SLC38A6: variants seen among roughly 807,000 people sequenced by gnomAD.
The protein encoded by SLC38A6 is solute carrier family 38 member 6.
In SLC38A6, 73 loss-of-function variants were observed where a neutral mutation model predicts 65.0. The observed-to-expected ratio is 1.12, with a 90% CI of 0.93 to 1.37. The LOEUF (loss-of-function observed/expected upper bound fraction) is 1.37, where lower values mean the gene tolerates loss of function less well. Among genes scored for constraint, SLC38A6 ranks in the 40% most tolerant of loss-of-function variants. The pLI, the probability that SLC38A6 is intolerant of heterozygous loss-of-function variation, is 0.00. For missense variants in SLC38A6, 561 were observed against 531.1 expected, an observed-to-expected ratio of 1.06 and a Z score of -0.55; for synonymous variants, 183 against 178.8, an observed-to-expected ratio of 1.02 and a Z score of -0.19.
chr14:60,981,556 T>C (rs1236773162), intron 1 of SLC38A6, 174 bp downstream of exon 1: 6 of 1,529,514 alleles, frequency 3.9e-6, no homozygotes, highest in Non-Finnish European at 5.2e-6. Context: ...ATTGGCGCAG[T>C]TATGAACGTG....
At position 60,982,404 on chromosome 14, in the gene SLC38A6, TG is replaced by T. The variant is rs796517875; in HGVS notation, c.106-102del. On this transcript the variant is annotated intron_variant, in intron 1 of 15. Transcript: ENST00000267488. The stretch of plus-strand genomic sequence containing the variant: ...AACGAGTGTGTCATACAAACCCTGG[TG>T]GTTTGCAGCTTTTTTCCATAATCTT... 7.1e-5 allele frequency: 102 copies of T among 1,446,396 alleles called. No individual in the cohort carries two copies. The African/African-American group carries it at 1.3e-3, about 18-fold the overall frequency. 89.6% of individuals were successfully genotyped at this position (1,446,396 alleles called of 1,614,324 possible). A position where few individuals can be genotyped will look rare whatever the true frequency, so the allele number is the denominator to read the frequency against.
At chr14:61,010,847 G>C (rs1470996477) in intron 3 of SLC38A6, among the ~76,000 whole-genome samples, 3 of 152,146 alleles carry the variant, frequency 2.0e-5, no homozygotes, top group Admixed American at 6.6e-5. Flanking sequence ...TTTGGCTTAG[G>C]ATTGATTTGG....
intron 15 of SLC38A6, among the ~76,000 whole-genome samples, chr14:61,061,145 C>T (rs1166685098): frequency 6.6e-6 from 1 of 152,132 alleles, no homozygotes; most frequent in Non-Finnish European, 1.5e-5. Flanking sequence ...TTGGCTCCTC[C>T]CCCAAGTGTT....
intron 6 of SLC38A6, 45 bp downstream of exon 6, chr14:61,030,568 G>A (rs548837417): frequency 5.5e-6 from 7 of 1,262,730 alleles, no homozygotes; most frequent in East Asian, 2.4e-5. Flanking sequence ...GTATTAATTT[G>A]ATAAATATGT....
chr14:61,049,150 C>T (rs1267891031), intron 12 of SLC38A6, among the ~76,000 whole-genome samples: 2 of 152,124 alleles, frequency 1.3e-5, no homozygotes, highest in African/African-American at 4.8e-5. Flanking sequence ...CCAATCCGTA[C>T]TCCTGCTTTA....
intron 5 of SLC38A6, among the ~76,000 whole-genome samples, chr14:61,026,029 A>T (rs1340980877): frequency 6.6e-6 from 1 of 152,164 alleles, no homozygotes; most frequent in Non-Finnish European, 1.5e-5. Context: ...ATTCTGTTTT[A>T]AAAATAGCTG....
intron 4 of SLC38A6, among the ~76,000 whole-genome samples, chr14:61,018,768 T>C (rs2040173325): frequency 6.6e-6 from 1 of 152,214 alleles, no homozygotes; most frequent in Admixed American, 6.5e-5. Context: ...TTTATATGGC[T>C]CAAATATTTT....
At chr14:61,029,829 T>C (rs2040840861) in intron 5 of SLC38A6, among the ~76,000 whole-genome samples, 1 of 152,230 alleles carries the variant, frequency 6.6e-6, no homozygotes, top group Non-Finnish European at 1.5e-5. Flanking sequence ...TAATGGTTTA[T>C]ATTGAACTTT....
chr14:61,018,305 G>C (rs1315529497), intron 4 of SLC38A6, among the ~76,000 whole-genome samples: 3 of 152,030 alleles, frequency 2.0e-5, no homozygotes, highest in Non-Finnish European at 4.4e-5. Context: ...AAATAACTTC[G>C]ACATTTTGGA....
intron 12 of SLC38A6, among the ~76,000 whole-genome samples, chr14:61,049,679 T>C (rs889054639): frequency 3.3e-5 from 5 of 152,218 alleles, no homozygotes; most frequent in African/African-American, 1.2e-4. Flanking sequence ...AACAGAGGTA[T>C]GTTTCCTTTT....
At chr14:61,024,950 C>A (rs1015297968) in intron 5 of SLC38A6, among the ~76,000 whole-genome samples, 1 of 152,096 alleles carries the variant, frequency 6.6e-6, no homozygotes, top group Non-Finnish European at 1.5e-5. Context: ...ATATGCTTTC[C>A]TTAATTCTTC....
intron 3 of SLC38A6, among the ~76,000 whole-genome samples, chr14:60,997,117 G>GT (rs1477198969): frequency 4.6e-5 from 7 of 152,076 alleles, no homozygotes; most frequent in Admixed American, 2.0e-4. Context: ...GAGTTGTGAG[G>GT]TTTTTTGTGG....
chr14:61,008,410 T>C (rs2039311244), intron 3 of SLC38A6, among the ~76,000 whole-genome samples: 1 of 152,180 alleles, frequency 6.6e-6, no homozygotes, highest in East Asian at 1.9e-4. Flanking sequence ...GGAGTTCTTT[T>C]GTTTATACAG....
chr14:60,992,750 G>C lies in SLC38A6; in HGVS notation c.310+7947G>C, dbSNP rs535342327. On this transcript the variant is annotated intron_variant, in intron 3 of 15. Transcript: ENST00000267488. ...TGTCCAGGATGGAGTGCAGTGGCGC[G>C]ATCTAGCCAAACCGCAACCTCCGCC... 1.2e-3 allele frequency among the ~76,000 whole-genome samples: 179 copies of C among 151,690 alleles called. 1 individual carries two copies. The highest frequency in any genetic ancestry group is 4.2e-3 in the African/African-American group (172 of 41,294).
Position 60,984,722 on chromosome 14 carries a change from T to C in SLC38A6, c.237-8T>C. ...GAGGTTTTGACCAGGTGTTCTTTTA[T>C]GTTTTAGCTTCTTGCTGCTGACAGT... On this transcript the variant is annotated splice_region_variant and splice_polypyrimidine_tract_variant and intron_variant, in intron 2 of 15. Coordinates refer to ENST00000267488, the MANE Select transcript of SLC38A6 (RefSeq NM_153811.3). The C allele has an allele frequency of 6.2e-7, 1 of 1,613,966 alleles. No homozygotes were observed. Among genetic ancestry groups the C allele is most frequent in the Non-Finnish European group, 8.5e-7 (1 of 1,179,878 alleles).
chr14:61,017,581 A>T (rs1255857227), intron 4 of SLC38A6, among the ~76,000 whole-genome samples: 1 of 152,200 alleles, frequency 6.6e-6, no homozygotes, highest in African/African-American at 2.4e-5. Flanking sequence ...TGTATGAGAA[A>T]ATTCCACAAT....
At position 60,981,503 on chromosome 14, in the gene SLC38A6, C is replaced by G; in HGVS notation, c.105+121C>G. On this transcript the variant is annotated intron_variant, in intron 1 of 15. Coordinates refer to ENST00000267488, the MANE Select transcript of SLC38A6 (RefSeq NM_153811.3). ...CAGGGGAGATGCTGGAGCCTGAACCCTGGGGGATGGGGTCTGAAGGCAGCC... is the reference window on the plus strand; with the variant it reads ...CAGGGGAGATGCTGGAGCCTGAACCGTGGGGGATGGGGTCTGAAGGCAGCC... 3 of 1,535,312 alleles carry G rather than the reference C, an allele frequency of 2.0e-6. No homozygotes were observed. The South Asian group carries it at 3.6e-5, about 18-fold the overall frequency.
At chr14:61,083,001 C>A (rs1290953796) in intron 16 of SLC38A6, among the ~76,000 whole-genome samples, 1 of 152,186 alleles carries the variant, frequency 6.6e-6, no homozygotes, top group Non-Finnish European at 1.5e-5. Context: ...ATCAAATGTG[C>A]CTCTCATAAA....
intron 3 of SLC38A6, among the ~76,000 whole-genome samples, chr14:61,012,238 A>G (rs1349718392): frequency 1.3e-5 from 2 of 152,006 alleles, no homozygotes; most frequent in African/African-American, 2.4e-5. Context: ...TATCCCCTTT[A>G]TCATTTTTTA....
Sources: gnomAD v4.1 joint callset for allele counts (sites outside exome capture counted in the v4.1 genomes callset) on GRCh38, gnomAD v4.1.1 for gene constraint, MANE v1.5 for transcripts, NCBI Gene and HGNC (gene_info 2026-07-23, HGNC 2026-07-21) for gene names.